MFSD11: variants seen among roughly 807,000 people sequenced by gnomAD.
The protein encoded by MFSD11 is UNC93-like protein MFSD11.
Under a neutral mutation model 53.5 loss-of-function variants are expected in MFSD11, and 36 were observed. The ratio of observed to expected loss-of-function variants is 0.67; its 90% CI spans 0.52 to 0.89. The LOEUF (loss-of-function observed/expected upper bound fraction) is 0.89, where lower values mean the gene tolerates loss of function less well. MFSD11 is among the 40% of genes least tolerant of loss of function. MFSD11 has a pLI of 0.00. For missense variants in MFSD11, 530 were observed against 543.9 expected (o/e 0.97, Z 0.25); for synonymous variants, 186 against 184.9 (o/e 1.01, Z -0.05).
chr17:76,755,602 G>T (rs994451181), intron 8 of MFSD11, among the ~76,000 whole-genome samples: 7 of 151,456 alleles, frequency 4.6e-5, no homozygotes, highest in Non-Finnish European at 8.8e-5. Context: ...GGCCAGAAAT[G>T]CCTGTAGCTT....
At chr17:76,742,418 G>C (rs2078178475) in intron 5 of MFSD11, 145 bp downstream of exon 5, 2 of 682,124 alleles carry the variant, frequency 2.9e-6, no homozygotes, top group East Asian at 5.4e-5. Flanking sequence ...CAATTTTATA[G>C]AATCACTTGT....
At chr17:76,767,574 A>C in intron 9 of MFSD11, 123 bp downstream of exon 9, 108 of 625,182 alleles carry the variant, frequency 1.7e-4, no homozygotes, top group Middle Eastern at 7.9e-4. Context: ...GGTTCTTCTC[A>C]TGGTGTCACT....
chr17:76,791,603 C>T, the MFSD11 span, among the ~76,000 whole-genome samples: 11 of 148,660 alleles, frequency 7.4e-5, 1 homozygote, highest in African/African-American at 2.5e-4. Flanking sequence ...ATCCATGTGC[C>T]GTGGGGGAGC....
intron 8 of MFSD11, among the ~76,000 whole-genome samples, chr17:76,762,855 A>G (rs2080421358): frequency 6.6e-6 from 1 of 151,978 alleles, no homozygotes; most frequent in East Asian, 1.9e-4. Context: ...AGCTATTTAG[A>G]TAAACTCCCC....
At chr17:76,748,825 C>A (rs1389257455) in intron 7 of MFSD11, among the ~76,000 whole-genome samples, 1 of 151,980 alleles carries the variant, frequency 6.6e-6, no homozygotes, top group African/African-American at 2.4e-5. Context: ...TCTTTCCTTC[C>A]TCTCTTCTTT....
At chr17:76,794,915 C>T in the MFSD11 span, among the ~76,000 whole-genome samples, 1 of 148,108 alleles carries the variant, frequency 6.8e-6, no homozygotes, top group South Asian at 2.2e-4. Flanking sequence ...AGGCTGGTCT[C>T]GAGCTCCTGA....
downstream of MFSD11, among the ~76,000 whole-genome samples, chr17:76,782,249 C>T (rs1287472877): frequency 2.0e-5 from 3 of 151,838 alleles, no homozygotes; most frequent in Admixed American, 1.3e-4. Flanking sequence ...GATCTCGGCT[C>T]ACTGCAACCT....
chr17:76,769,543 A>G (rs1303577875), intron 9 of MFSD11: 2 of 414,786 alleles, frequency 4.8e-6, no homozygotes, highest in African/African-American at 2.1e-5. Context: ...TGGGGAGGAC[A>G]CAAACATTTA....
rs1273366241 is a variant in MFSD11 at position 76,776,255 on chromosome 17, AG to A, written c.1050-149del. The A allele has an allele frequency of 4.1e-6, 3 of 735,310 alleles. No homozygotes were observed. In the Admixed American group the frequency reaches 9.5e-5, roughly 23 times the overall value. 45.5% of individuals were successfully genotyped at this position (735,310 alleles called of 1,614,324 possible). ...CAGCCTCCCAAAGTGCTGGGATTCC[AG>A]GTGTGAGCCACCGCACCAGCTTTGT... On this transcript the variant is annotated intron_variant, in intron 11 of 12. Coordinates refer to ENST00000685175, the MANE Select transcript of MFSD11 (RefSeq NM_001242532.5). The surrounding 1 kb of genome is among the most constrained non-coding windows in gnomAD (Gnocchi z 4.2).
At position 76,754,072 on chromosome 17, in the gene MFSD11, G is replaced by T; in HGVS notation, c.667G>T (p.Ala223Ser). ...NESAQNNLTK[A>S]VDAFKKSFKL... ...GTCTGCCCAGAACAATCTGACAAAGGCAGTAGATGCTTTTAGTAAGTATTT... is the reference window on the plus strand; with the variant it reads ...GTCTGCCCAGAACAATCTGACAAAGTCAGTAGATGCTTTTAGTAAGTATTT... Residue 223 changes from alanine (A) to serine (S), a missense_variant, in exon 8 of 13, where the codon GCA (alanine) becomes TCA (serine). By Grantham distance (99) the Ala-to-Ser change is moderately conservative. Transcript: ENST00000685175. 2.5e-6 allele frequency: 4 copies of T among 1,613,048 alleles called. No homozygotes were observed. Among genetic ancestry groups the T allele is most frequent in the Non-Finnish European group, 3.4e-6 (4 of 1,179,338 alleles).
At chr17:76,789,335 A>C in the MFSD11 span, among the ~76,000 whole-genome samples, 1 of 149,436 alleles carries the variant, frequency 6.7e-6, no homozygotes, top group African/African-American at 2.5e-5. Flanking sequence ...GGCTGTCTGC[A>C]TGCACAGTGA....
chr17:76,781,881 G>T (rs951015454), downstream of MFSD11, among the ~76,000 whole-genome samples: 4 of 152,100 alleles, frequency 2.6e-5, no homozygotes, highest in African/African-American at 9.7e-5. Flanking sequence ...GATCACAGTG[G>T]CACAGTCATG....
chr17:76,759,752 C>T (rs1204118484), intron 8 of MFSD11, among the ~76,000 whole-genome samples: 11 of 105,928 alleles, frequency 1.0e-4, no homozygotes, highest in East Asian at 2.8e-4. Context: ...CCACCGTGAC[C>T]GGCCTTTTTT....
intron 8 of MFSD11, among the ~76,000 whole-genome samples, chr17:76,755,791 CATATATATATAT>C (rs71158064): frequency 0.11 from 1,794 of 16,082 alleles, 209 homozygotes; most frequent in Non-Finnish European, 0.14. Context: ...TGTGTGTATA[CATATATATATAT>C]ATATATATAT....
At chr17:76,754,646 T>C (rs1290172303) in intron 8 of MFSD11, among the ~76,000 whole-genome samples, 1 of 137,454 alleles carries the variant, frequency 7.3e-6, no homozygotes, top group African/African-American at 2.8e-5. Context: ...ATTGCCCCAC[T>C]GCACTTCAGC....
At chr17:76,797,172 TAAAAA>T in the MFSD11 span, among the ~76,000 whole-genome samples, 1 of 151,446 alleles carries the variant, frequency 6.6e-6, no homozygotes, top group Non-Finnish European at 1.5e-5. Context: ...CTTCCTCAAT[TAAAAA>T]AGAAAAAAGA....
intron 6 of MFSD11, 121 bp downstream of exon 6, chr17:76,743,577 C>A: frequency 1.8e-6 from 1 of 544,874 alleles, no homozygotes; most frequent in South Asian, 4.2e-5. Flanking sequence ...CTCAAGTTCT[C>A]GCAGATTTTA....
chr17:76,792,816 T>C, the MFSD11 span, among the ~76,000 whole-genome samples: 89 of 151,604 alleles, frequency 5.9e-4, 5 homozygotes, highest in African/African-American at 2.1e-3. Context: ...GTAGGTTCTT[T>C]TCTATTTTCC....
the MFSD11 span, among the ~76,000 whole-genome samples, chr17:76,794,849 T>G: frequency 2.8e-4 from 43 of 151,136 alleles, no homozygotes; most frequent in Admixed American, 7.3e-4. Flanking sequence ...CCCGTCACCA[T>G]GCCCAGCTAA....
Sources: gnomAD v4.1 joint callset for allele counts (sites outside exome capture counted in the v4.1 genomes callset) on GRCh38, gnomAD v4.1.1 for gene constraint, Gnocchi (gnomAD v3.1) non-coding constraint, MANE v1.5 for transcripts, NCBI Gene and HGNC (gene_info 2026-07-23, HGNC 2026-07-21) for gene names.